The following SEMA3A variants were observed in gnomAD, a reference collection of about 807,000 sequenced individuals.
SEMA3A encodes the protein semaphorin 3A.
Under a neutral mutation model 97.9 loss-of-function variants are expected in SEMA3A, and 29 were observed. That is an observed-to-expected ratio of 0.30 (90% confidence interval 0.22 to 0.40). SEMA3A has a LOEUF of 0.40. Ranked by LOEUF, SEMA3A falls within the 10% of genes least tolerant of loss-of-function variation. SEMA3A has a pLI of 1.00. For synonymous variants in SEMA3A, 321 were observed against 323.7 expected, an observed-to-expected ratio of 0.99 and a Z score of 0.09; for missense variants, 763 against 951.3, an observed-to-expected ratio of 0.80 and a Z score of 2.60.
intron 1 of SEMA3A, among the ~76,000 whole-genome samples, chr7:84,148,715 T>A (rs1484318689): frequency 6.6e-6 from 1 of 152,182 alleles, no homozygotes; most frequent in East Asian, 1.9e-4. Flanking sequence ...CTGCCACCCC[T>A]AACACAGCAA....
chr7:84,425,480 TA>T (rs1340368344), intron 1 of SEMA3A, among the ~76,000 whole-genome samples: 2 of 141,404 alleles, frequency 1.4e-5, no homozygotes, highest in African/African-American at 5.1e-5. Context: ...TATATTTATA[TA>T]AAAATATAAT....
intron 2 of SEMA3A, among the ~76,000 whole-genome samples, chr7:84,366,315 C>A (rs1435004372): frequency 5.3e-5 from 8 of 151,200 alleles, no homozygotes; most frequent in Non-Finnish European, 1.2e-4. Flanking sequence ...AATACATTTT[C>A]AACTAAAGCA....
chr7:83,967,586 T>G (rs1403126564), intron 15 of SEMA3A, among the ~76,000 whole-genome samples: 1 of 151,976 alleles, frequency 6.6e-6, no homozygotes, highest in African/African-American at 2.4e-5. Context: ...GAAACCCCAT[T>G]TCTACAAAAA....
chr7:84,480,650 CTT>C (rs1162259747), intron 1 of SEMA3A, among the ~76,000 whole-genome samples: 1 of 152,132 alleles, frequency 6.6e-6, no homozygotes, highest in East Asian at 1.9e-4. Context: ...AAATTCATCT[CTT>C]TTTGAATTTT....
intron 1 of SEMA3A, among the ~76,000 whole-genome samples, chr7:84,472,844 C>T (rs1274387429): frequency 1.3e-5 from 2 of 152,038 alleles, no homozygotes; most frequent in African/African-American, 4.8e-5. Flanking sequence ...CAAAAGGAAA[C>T]ATTGACATTT....
intron 2 of SEMA3A, among the ~76,000 whole-genome samples, chr7:84,326,562 T>C (rs1159736214): frequency 1.3e-5 from 2 of 152,084 alleles, no homozygotes; most frequent in African/African-American, 4.8e-5. Context: ...ATATTTTATG[T>C]ATATTCATTT....
intron 4 of SEMA3A, among the ~76,000 whole-genome samples, chr7:84,108,420 C>T (rs1161707644): frequency 2.0e-5 from 3 of 151,666 alleles, no homozygotes; most frequent in Non-Finnish European, 4.4e-5. Flanking sequence ...GGTAATAAGT[C>T]AACCTTGCAT....
intron 1 of SEMA3A, among the ~76,000 whole-genome samples, chr7:84,164,541 C>T (rs1410343991): frequency 3.3e-5 from 5 of 152,056 alleles, no homozygotes; most frequent in Non-Finnish European, 5.9e-5. Context: ...CTGATAACAG[C>T]AACAACTGCT....
At chr7:84,279,272 C>G (rs1413107058) in intron 3 of SEMA3A, among the ~76,000 whole-genome samples, 1 of 151,934 alleles carries the variant, frequency 6.6e-6, no homozygotes, top group African/African-American at 2.4e-5. Context: ...TTAAGATAAC[C>G]TAATATCACC....
chr7:84,062,567 A>G (rs1306672096), intron 4 of SEMA3A, among the ~76,000 whole-genome samples: 4 of 152,182 alleles, frequency 2.6e-5, no homozygotes, highest in African/African-American at 7.2e-5. Context: ...TGCGCGCACC[A>G]CGCGCGAGCC....
At chr7:84,457,809 G>C (rs1805722227) in intron 1 of SEMA3A, among the ~76,000 whole-genome samples, 1 of 151,884 alleles carries the variant, frequency 6.6e-6, no homozygotes, top group Admixed American at 6.6e-5. Context: ...CCAATCTTTA[G>C]AGATAGATAA....
intron 1 of SEMA3A, among the ~76,000 whole-genome samples, chr7:84,374,478 G>T (rs549315263): frequency 6.6e-6 from 1 of 152,278 alleles, no homozygotes; most frequent in East Asian, 1.9e-4. Flanking sequence ...GTGTGTGTAT[G>T]TGCATACGCA....
intron 3 of SEMA3A, among the ~76,000 whole-genome samples, chr7:84,202,830 C>T (rs1192777891): frequency 6.6e-6 from 1 of 152,018 alleles, no homozygotes; most frequent in Non-Finnish European, 1.5e-5. Flanking sequence ...GTCCTAATGC[C>T]AATTTATCTC....
At chr7:84,037,092 C>T (rs1200847242) in intron 6 of SEMA3A, among the ~76,000 whole-genome samples, 1 of 151,678 alleles carries the variant, frequency 6.6e-6, no homozygotes, top group East Asian at 1.9e-4. Context: ...TCTTTTTTCC[C>T]TTTCTTCCTT....
At chr7:83,978,807 A>G (rs1268838446) in intron 14 of SEMA3A, among the ~76,000 whole-genome samples, 1 of 152,206 alleles carries the variant, frequency 6.6e-6, no homozygotes, top group Non-Finnish European at 1.5e-5. Context: ...TGCCATCACA[A>G]AGAATATATA....
At chr7:84,012,082 G>C (rs1450600062) in intron 7 of SEMA3A, among the ~76,000 whole-genome samples, 5 of 152,058 alleles carry the variant, frequency 3.3e-5, no homozygotes, top group South Asian at 4.1e-4. Flanking sequence ...AGGGCCTTTG[G>C]GGGAGGGATG....
At chr7:84,325,503 A>C (rs541337275) in intron 2 of SEMA3A, among the ~76,000 whole-genome samples, 2 of 152,100 alleles carry the variant, frequency 1.3e-5, no homozygotes, top group Admixed American at 1.3e-4. Context: ...TACAGGGGGA[A>C]GTATTCTTCT....
intron 3 of SEMA3A, among the ~76,000 whole-genome samples, chr7:84,243,631 T>G (rs2116384620): frequency 6.6e-6 from 1 of 152,004 alleles, no homozygotes; most frequent in South Asian, 2.1e-4. Flanking sequence ...TGTGAAGGGG[T>G]TTTCATGTCT....
At chr7:84,178,213 T>C (rs944253130) in intron 1 of SEMA3A, among the ~76,000 whole-genome samples, 1 of 152,164 alleles carries the variant, frequency 6.6e-6, no homozygotes. Context: ...ACAGCTCTTA[T>C]CTAATTCCTT....
Sources: allele counts gnomAD v4.1 joint callset (sites outside exome capture counted in the v4.1 genomes callset), GRCh38; gene constraint gnomAD v4.1.1; transcripts MANE v1.5; gene names NCBI Gene and HGNC (gene_info 2026-07-23, HGNC 2026-07-21).